NCOR2: variants seen among roughly 807,000 people sequenced by gnomAD.
NCOR2 encodes nuclear receptor corepressor 2, also known as CTG repeat protein 26.
Under a neutral mutation model 262.9 loss-of-function variants are expected in NCOR2, and 81 were observed. The observed-to-expected ratio is 0.31, with a 90% confidence interval of 0.26 to 0.37. The LOEUF is 0.37. NCOR2 is among the 10% of genes least tolerant of loss of function. The pLI is 1.00. For missense variants in NCOR2, 3,385 were observed against 3,621.4 expected (o/e 0.93, Z 1.68); for synonymous variants, 1,659 against 1,559.3 (o/e 1.06, Z -1.51).
At chr12:124,497,278 T>C (rs1265024110), upstream of NCOR2, among the ~76,000 whole-genome samples, 1 of 152,240 alleles carries the variant, frequency 6.6e-6, no homozygotes, top group Non-Finnish European at 1.5e-5. This position sits in a 1 kb window ranked among gnomAD's most constrained non-coding sequence, Gnocchi z 4.2. Flanking sequence ...ACCTCGGTCC[T>C]GCCTGCGTGG....
chr12:124,334,251 G>A (rs923838546), intron 41 of NCOR2, 173 bp downstream of exon 43: 4 of 528,726 alleles, frequency 7.6e-6, no homozygotes, highest in South Asian at 2.7e-5. Flanking sequence ...GCTATTATTC[G>A]TTATGTATCC....
chr12:124,506,076 T>C (rs1317830661), intron 1 of NCOR2, among the ~76,000 whole-genome samples: 2 of 150,390 alleles, frequency 1.3e-5, no homozygotes, highest in Non-Finnish European at 3.0e-5. Flanking sequence ...AGCTTCCCCA[T>C]TCCTGCACCC....
At chr12:124,338,576 C>A (rs1320756238) in intron 37 of NCOR2, among the ~76,000 whole-genome samples, 4 of 151,330 alleles carry the variant, frequency 2.6e-5, no homozygotes, top group Non-Finnish European at 5.9e-5. Context: ...CCTGGTGAAG[C>A]AGCTCTGCCC....
Position 124,426,846 on chromosome 12 carries a change from C to T in NCOR2, c.1150-46G>A, listed in dbSNP as rs762686376. 3.3e-6 allele frequency: 5 copies of T among 1,504,392 alleles called. No individual in the cohort carries two copies. In the South Asian group the frequency reaches 6.8e-5, roughly 20 times the overall value. The allele number at this position is 1,504,392 out of a possible 1,614,324, so 93.2% of individuals were successfully genotyped here. ...GGGTCAGAGGCCCAGGGACGAGGTG[C>T]TCCGGCCGGCGCAGGGGACCCAGGG... On this transcript the variant is annotated intron_variant, in intron 10 of 46. Transcript: ENST00000405201.
chr12:124,422,498 C>A lies in NCOR2; in HGVS notation c.1383+3G>T, dbSNP rs2043268497. ...AAGGGGTATGGGGCGGGCAGCGACT[C>A]ACCTTCCTCTCCAGGAATGATGCGA... On this transcript the variant is annotated splice_donor_region_variant and intron_variant, in intron 12 of 46. Transcript: ENST00000405201. 6.2e-7 allele frequency: 1 copy of A among 1,614,024 alleles called. No individual in the cohort carries two copies. Among genetic ancestry groups the A allele is most frequent in the Admixed American group, 1.7e-5 (1 of 60,026 alleles).
At chr12:124,459,241 G>T (rs1229510616) in intron 5 of NCOR2, among the ~76,000 whole-genome samples, 1 of 152,050 alleles carries the variant, frequency 6.6e-6, no homozygotes, top group African/African-American at 2.4e-5. Flanking sequence ...AACGGAAAGG[G>T]CCAAGCCACT....
chr12:124,521,912 G>GA (rs1220045386), intron 1 of NCOR2, among the ~76,000 whole-genome samples: 60 of 152,312 alleles, frequency 3.9e-4, no homozygotes, highest in African/African-American at 1.4e-3. Flanking sequence ...CAGCTACTCA[G>GA]GAGGCTGAGG....
chr12:124,413,944 A>AC lies in NCOR2; in HGVS notation c.1482+6012dup, dbSNP rs1444171874. Among the ~76,000 whole-genome samples the AC allele has an allele frequency of 5.4e-3, 665 of 123,698 alleles. 15 individuals carry two copies. The East Asian group carries it at 0.085, about 16-fold the overall frequency. 81.2% of individuals were successfully genotyped at this position (123,698 alleles called of 152,430 possible). ...GAGCCCCCCCCACCCCAGGACTCCCACCCACCCCATATCAGAGGGTGTCTC... is the reference window on the plus strand; with the variant it reads ...GAGCCCCCCCCACCCCAGGACTCCCACCCCACCCCATATCAGAGGGTGTCTC... On this transcript the variant is annotated intron_variant, in intron 13 of 46. Coordinates refer to ENST00000405201, the Ensembl canonical transcript of NCOR2.
Position 124,482,544 on chromosome 12 carries a change from T to G in NCOR2, c.411+1052A>C, listed in dbSNP as rs1957764304. Among the ~76,000 whole-genome samples the G allele has an allele frequency of 6.6e-6, 1 of 152,128 alleles. No homozygotes were observed. Among genetic ancestry groups the G allele is most frequent in the South Asian group, 2.1e-4 (1 of 4,824 alleles). On this transcript the variant is annotated intron_variant, in intron 3 of 46. Coordinates refer to ENST00000405201, the Ensembl canonical transcript of NCOR2. This position sits in a 1 kb window ranked among gnomAD's most constrained non-coding sequence, Gnocchi z 6.3. The stretch of plus-strand genomic sequence containing the variant: ...GCATGGGGCCCACAGCCGAGCCCTC[T>G]ACCCACATGACCAGGTGACACCCTG...
chr12:124,544,340 C>T (rs1024752119), intron 1 of NCOR2, among the ~76,000 whole-genome samples: 4 of 152,194 alleles, frequency 2.6e-5, no homozygotes, highest in Non-Finnish European at 5.9e-5. Flanking sequence ...GGCCTGGGGA[C>T]CCCTGAATCT....
intron 43 of NCOR2, chr12:124,331,998 T>C (rs1700808116): frequency 5.9e-6 from 2 of 338,954 alleles, no homozygotes; most frequent in Non-Finnish European, 1.1e-5. Flanking sequence ...AGGTGCTGAG[T>C]GTGGGAGGCG....
exon 46 of NCOR2, chr12:124,326,276 A>T (rs2135713343): frequency 1.3e-6 from 2 of 1,566,096 alleles, no homozygotes; most frequent in South Asian, 1.2e-5. Flanking sequence ...CTGAGGAGAC[A>T]GAGGGTGGCC....
At chr12:124,425,339 A>G (rs1407143452) in intron 11 of NCOR2, among the ~76,000 whole-genome samples, 1 of 151,994 alleles carries the variant, frequency 6.6e-6, no homozygotes, top group African/African-American at 2.4e-5. Flanking sequence ...GTGCCATTGT[A>G]CTCCAGCCTG....
intron 6 of NCOR2, among the ~76,000 whole-genome samples, chr12:124,453,548 C>G (rs562033644): frequency 6.6e-6 from 1 of 152,336 alleles, no homozygotes; most frequent in East Asian, 1.9e-4. Context: ...ACTAAGAAAG[C>G]CAGCAGGGGC....
At chr12:124,354,776 C>T in intron 25 of NCOR2, 61 bp downstream of exon 27, 4 of 1,520,194 alleles carry the variant, frequency 2.6e-6, no homozygotes, top group Non-Finnish European at 3.6e-6. Context: ...TCCCCCGCCC[C>T]ACCCACAGGA....
intron 1 of NCOR2, among the ~76,000 whole-genome samples, chr12:124,530,888 C>T (rs991442456): frequency 6.6e-6 from 1 of 152,218 alleles, no homozygotes; most frequent in Admixed American, 6.5e-5. Context: ...CCACTGTGGA[C>T]AGAGCTGGCC....
chr12:124,367,474 G>A (rs560411944), intron 20 of NCOR2, among the ~76,000 whole-genome samples: 9 of 152,258 alleles, frequency 5.9e-5, no homozygotes, highest in Non-Finnish European at 8.8e-5. Context: ...CAGAGGGAGC[G>A]GCCACCAATA....
upstream of NCOR2, among the ~76,000 whole-genome samples, chr12:124,499,424 G>A (rs956590444): frequency 7.2e-5 from 11 of 152,278 alleles, no homozygotes; most frequent in Admixed American, 3.9e-4. Flanking sequence ...GCCCTGGAGG[G>A]TCTCAGGCCA....
chr12:124,363,900 G>C (rs907763561), intron 20 of NCOR2, 101 bp from the exon 23 acceptor site: 8 of 1,059,916 alleles, frequency 7.5e-6, no homozygotes, highest in African/African-American at 3.2e-5. Context: ...TCAAGCCCTG[G>C]GGACGAGGCT....
Sources: gnomAD v4.1 joint callset for allele counts (sites outside exome capture counted in the v4.1 genomes callset) on GRCh38, gnomAD v4.1.1 for gene constraint, Gnocchi (gnomAD v3.1) non-coding constraint, MANE v1.5 for transcripts, NCBI Gene and HGNC (gene_info 2026-07-23, HGNC 2026-07-21) for gene names.